The following GRIK5 variants were observed in gnomAD, a reference collection of about 807,000 sequenced individuals.
GRIK5 encodes glutamate receptor ionotropic, kainate 5.
A neutral mutation model predicts 97.4 loss-of-function variants in GRIK5; 43 were observed. That is an observed-to-expected ratio of 0.44 (90% CI 0.35 to 0.57). The LOEUF is 0.57. GRIK5 is among the 20% of genes least tolerant of loss of function. The probability of loss-of-function intolerance (pLI) is 0.01; values close to 1 mark genes in which losing one functional copy is unlikely to be tolerated. For missense variants in GRIK5, 1,015 were observed against 1,382.0 expected (o/e 0.73, Z 4.21); for synonymous variants, 580 against 583.5 (o/e 0.99, Z 0.09).
At chr19:42,066,392 G>C (rs907700658) in intron 1 of GRIK5, among the ~76,000 whole-genome samples, 1 of 146,366 alleles carries the variant, frequency 6.8e-6, no homozygotes, top group Admixed American at 6.7e-5. Flanking sequence ...GAAACTTCGG[G>C]AGAGATGGAG....
Position 41,999,039 on chromosome 19 carries a change from G to C in GRIK5, c.2775C>G (p.Thr925=). 1.6e-6 allele frequency: 2 copies of C among 1,239,572 alleles called. No individual in the cohort carries two copies. The highest frequency in any genetic ancestry group is 5.6e-5 in the South Asian group (2 of 35,706). 76.8% of individuals were successfully genotyped at this position (1,239,572 alleles called of 1,614,324 possible). The stretch of plus-strand genomic sequence containing the variant: ...GGCAGACGCGCACGTGGGTGCAGGG[G>C]GTGGGGGCGGCGGGTCGGGCTCCGC... ...PPSGARPAAP[T]PCTHVRVCQE... is the part of the protein sequence containing the mutation. Residue 925 remains threonine, a synonymous_variant, in exon 20 of 20, where the codon ACC becomes ACG. Coordinates refer to ENST00000593562, the MANE Select transcript of GRIK5 (RefSeq NM_002088.5). This position sits in a 1 kb window ranked among gnomAD's most constrained non-coding sequence, Gnocchi z 5.0.
chr19:42,022,227 C>T lies in GRIK5; in HGVS notation c.1587+14G>A. 5.0e-6 allele frequency: 8 copies of T among 1,586,424 alleles called. No individual in the cohort carries two copies. Among genetic ancestry groups the T allele is most frequent in the Non-Finnish European group, 5.2e-6 (6 of 1,154,818 alleles). ...TGCCAGGCAAGCAGCCCATGGTCTC[C>T]AGGGGAACCATACCATGTGCACTCG... On this transcript the variant is annotated intron_variant, in intron 13 of 19. Coordinates refer to ENST00000593562, the MANE Select transcript of GRIK5 (RefSeq NM_002088.5). The surrounding 1 kb of genome is among the most constrained non-coding windows in gnomAD (Gnocchi z 4.2).
intron 15 of GRIK5, among the ~76,000 whole-genome samples, chr19:42,007,836 C>G (rs535462188): frequency 1.4e-4 from 22 of 151,858 alleles, no homozygotes; most frequent in African/African-American, 5.1e-4. Flanking sequence ...CAGTAGAGAC[C>G]CAAAAGTGTA....
intron 5 of GRIK5, among the ~76,000 whole-genome samples, chr19:42,060,057 C>G (rs1002052752): frequency 6.6e-6 from 1 of 152,034 alleles, no homozygotes; most frequent in African/African-American, 2.4e-5. Flanking sequence ...CAGAATGATA[C>G]GGGTCAGATG....
chr19:42,056,187 T>C (rs1331438694), intron 8 of GRIK5, among the ~76,000 whole-genome samples: 3 of 152,102 alleles, frequency 2.0e-5, no homozygotes, highest in African/African-American at 7.2e-5. Context: ...TTTCTCCATG[T>C]TGGCCAGGCT....
chr19:41,999,232 G>A lies in GRIK5; in HGVS notation c.2582C>T (p.Ser861Phe). Residue 861 changes from serine (S) to phenylalanine (F), a missense_variant, in exon 20 of 20, where the codon TCC becomes TTC. Ser to Phe is a radical substitution (Grantham distance 155). Transcript: ENST00000593562. This position sits in a 1 kb window ranked among gnomAD's most constrained non-coding sequence, Gnocchi z 5.0. ...GCCGCCCGGGCGTCGGCGCCGGCGG[G>A]AACGCGACGTCTTGCGGCAAGAAAC... ...HAVSCRKTSR[S>F]RRRRRPGGPS... The A allele has an allele frequency of 2.0e-6, 3 of 1,522,766 alleles. No individual in the cohort carries two copies. Among genetic ancestry groups the A allele is most frequent in the Non-Finnish European group, 2.6e-6 (3 of 1,141,848 alleles). The allele number at this position is 1,522,766 out of a possible 1,614,324, so 94.3% of individuals were successfully genotyped here.
At chr19:42,028,650 G>T (rs983955102) in intron 12 of GRIK5, among the ~76,000 whole-genome samples, 16 of 152,212 alleles carry the variant, frequency 1.1e-4, no homozygotes, top group African/African-American at 3.1e-4. Context: ...GCTCCACAGA[G>T]CCCTTCCTCT....
At chr19:42,061,498 G>T (rs1296093444) in intron 5 of GRIK5, among the ~76,000 whole-genome samples, 3 of 152,156 alleles carry the variant, frequency 2.0e-5, no homozygotes, top group African/African-American at 7.2e-5. Flanking sequence ...CTTCTTGAAG[G>T]AGGAATTCCT....
chr19:42,006,061 A>C lies in GRIK5; in HGVS notation c.2038-113T>G. ...CCTCAACCCAGGAGAATGCAAGGTG[A>C]TCAAAGGAAGACAGAGCCAAAGGTA... On this transcript the variant is annotated intron_variant, in intron 16 of 19. Coordinates refer to ENST00000593562, the MANE Select transcript of GRIK5 (RefSeq NM_002088.5). This position sits in a 1 kb window ranked among gnomAD's most constrained non-coding sequence, Gnocchi z 5.3. 1.5e-6 allele frequency: 1 copy of C among 670,154 alleles called. No individual in the cohort carries two copies. The highest frequency in any genetic ancestry group is 2.7e-5 in the East Asian group (1 of 36,784). 41.5% of individuals were successfully genotyped at this position (670,154 alleles called of 1,614,324 possible).
chr19:42,065,428 T>C lies in GRIK5; in HGVS notation c.80-41A>G. On this transcript the variant is annotated intron_variant, in intron 2 of 19. Transcript: ENST00000593562. The surrounding 1 kb of genome is among the most constrained non-coding windows in gnomAD (Gnocchi z 5.8). ...GGTTGGGGACCAGACTCCTGAGTCC[T>C]GAGGAAGGAGGGGGCTGTGGTCTTA... 1 of 1,538,528 alleles carries C rather than the reference T, an allele frequency of 6.5e-7. No individual in the cohort carries two copies. Among genetic ancestry groups the C allele is most frequent in the South Asian group, 1.2e-5 (1 of 82,764 alleles).
intron 3 of GRIK5, among the ~76,000 whole-genome samples, chr19:42,064,744 G>A (rs183143121): frequency 1.3e-5 from 2 of 152,246 alleles, no homozygotes; most frequent in African/African-American, 4.8e-5. Context: ...TGACACCTTC[G>A]AACATTCAGC....
chr19:42,068,850 G>A (rs2076380140), intron 1 of GRIK5: 2 of 683,190 alleles, frequency 2.9e-6, no homozygotes, highest in East Asian at 5.6e-5. Context: ...TGGGGACAGG[G>A]CCAAGGCCCA....
At position 42,022,442 on chromosome 19, in the gene GRIK5, C is replaced by A; in HGVS notation, c.1474-88G>T. ...TAGAGAGAAATGCACGGAGAGTGAG[C>A]AACTGAGGGAGGCGAGAGAGAGAGA... On this transcript the variant is annotated intron_variant, in intron 12 of 19. Transcript: ENST00000593562. This position sits in a 1 kb window ranked among gnomAD's most constrained non-coding sequence, Gnocchi z 4.2. 2.7e-6 allele frequency: 4 copies of A among 1,470,662 alleles called. No individual in the cohort carries two copies. Among genetic ancestry groups the A allele is most frequent in the South Asian group, 1.2e-5 (1 of 81,988 alleles). The allele number at this position is 1,470,662 out of a possible 1,614,324, so 91.1% of individuals were successfully genotyped here.
Position 42,056,825 on chromosome 19 carries a change from T to G in GRIK5, c.742-2A>C. The G allele has an allele frequency of 6.2e-7, 1 of 1,614,052 alleles. No individual in the cohort carries two copies. Reference sequence around the variant, plus strand: ...GTCCAGATGCAGGATGGGGAAGTCCTGGGACCAGGAAGAGGTGGTGAGGCC... The same window carrying G: ...GTCCAGATGCAGGATGGGGAAGTCCGGGGACCAGGAAGAGGTGGTGAGGCC... On this transcript the variant is annotated splice_acceptor_variant, in intron 7 of 19. Transcript: ENST00000593562. LOFTEE classifies it high-confidence loss of function.
rs2075406748 is a variant in GRIK5, at chr19:41,999,357, C to G, written c.2515-58G>C. The G allele has an allele frequency of 7.7e-7, 1 of 1,305,266 alleles. No individual in the cohort carries two copies. Among genetic ancestry groups the G allele is most frequent in the Non-Finnish European group, 1.0e-6 (1 of 971,366 alleles). 80.9% of individuals were successfully genotyped at this position (1,305,266 alleles called of 1,614,324 possible). Reference sequence around the variant, plus strand: ...GCAGTCCGCCTCCCGCCTCCCCCAGCCCCTCTCCACATCCCACTCCTCCTC... The same window carrying G: ...GCAGTCCGCCTCCCGCCTCCCCCAGGCCCTCTCCACATCCCACTCCTCCTC... On this transcript the variant is annotated intron_variant, in intron 19 of 19. Transcript: ENST00000593562. The surrounding 1 kb of genome is among the most constrained non-coding windows in gnomAD (Gnocchi z 5.0).
intron 6 of GRIK5, among the ~76,000 whole-genome samples, chr19:42,057,730 A>G (rs917356239): frequency 6.6e-6 from 1 of 152,182 alleles, no homozygotes; most frequent in African/African-American, 2.4e-5. Flanking sequence ...GCAAATGTGT[A>G]GGACTCAGCC....
Position 42,021,859 on chromosome 19 carries a change from G to T in GRIK5, c.1697+88C>A, listed in dbSNP as rs987222414. The T allele has an allele frequency of 7.3e-6, 6 of 817,784 alleles. No homozygotes were observed. The highest frequency in any genetic ancestry group is 6.4e-5 in the South Asian group (4 of 62,734). 50.7% of individuals were successfully genotyped at this position (817,784 alleles called of 1,614,324 possible). A position where few individuals can be genotyped will look rare whatever the true frequency, so the allele number is the denominator to read the frequency against. On this transcript the variant is annotated intron_variant, in intron 14 of 19. Coordinates refer to ENST00000593562, the MANE Select transcript of GRIK5 (RefSeq NM_002088.5). The surrounding 1 kb of genome is among the most constrained non-coding windows in gnomAD (Gnocchi z 4.2). ...GGCCCCAAAGGGGAGGCCAAGGACA[G>T]TTCCGAGAGAGAAGAGGCAGGTCGG...
chr19:42,004,650 C>T (rs1297134993), intron 17 of GRIK5, among the ~76,000 whole-genome samples: 1 of 152,192 alleles, frequency 6.6e-6, no homozygotes. Context: ...TTGACAGAAT[C>T]TCACTTGGTT....
At chr19:42,019,141 C>T (rs2075666986) in intron 15 of GRIK5, among the ~76,000 whole-genome samples, 1 of 152,076 alleles carries the variant, frequency 6.6e-6, no homozygotes, top group African/African-American at 2.4e-5. Flanking sequence ...GGCTGGGCGG[C>T]AGAAACAGTG....
Sources: gnomAD v4.1 joint callset for allele counts (sites outside exome capture counted in the v4.1 genomes callset) on GRCh38, gnomAD v4.1.1 for gene constraint, Gnocchi (gnomAD v3.1) non-coding constraint, MANE v1.5 for transcripts, NCBI Gene and HGNC (gene_info 2026-07-23, HGNC 2026-07-21) for gene names.